Variants in KIAA1671 observed in about 807,000 individuals in gnomAD.
KIAA1671 encodes KIAA1671, also known as uncharacterized protein KIAA1671.
In KIAA1671, 52 loss-of-function variants were observed where a neutral mutation model predicts 131.2. The ratio of observed to expected loss-of-function variants is 0.40; its 90% CI spans 0.32 to 0.50. The LOEUF (loss-of-function observed/expected upper bound fraction) is 0.50, where lower values mean the gene tolerates loss of function less well. KIAA1671 is among the 20% of genes least tolerant of loss of function. The probability of loss-of-function intolerance (pLI) is 0.73; values close to 1 mark genes in which losing one functional copy is unlikely to be tolerated. For missense variants in KIAA1671, 2,360 were observed against 2,364.2 expected (o/e 1.00, Z 0.04); for synonymous variants, 1,003 against 961.6 (o/e 1.04, Z -0.80).
intron 6 of KIAA1671, among the ~76,000 whole-genome samples, chr22:25,093,824 T>TTTCTCTC (rs1930240990): frequency 9.1e-5 from 2 of 21,920 alleles, no homozygotes; most frequent in Non-Finnish European, 1.7e-4. Flanking sequence ...CTCTCTCTCT[T>TTTCTCTC]TCTCTCTCTG....
intron 9 of KIAA1671, among the ~76,000 whole-genome samples, chr22:25,180,608 G>C (rs549589658): frequency 2.7e-4 from 41 of 152,202 alleles, no homozygotes; most frequent in African/African-American, 9.1e-4. Flanking sequence ...ACTCTATGTA[G>C]ACACAGCCTT....
Position 25,173,615 on chromosome 22 carries a change from G to A in KIAA1671, c.4650-625G>A, listed in dbSNP as rs567530755. The stretch of plus-strand genomic sequence containing the variant: ...CGGAAACGTGTAATTACTATGTATC[G>A]ATTATAAATAAAAAAGAATTATAAT... On this transcript the variant is annotated intron_variant, in intron 7 of 12. Transcript: ENST00000358431. Among the ~76,000 whole-genome samples, 8 of 152,134 alleles carry A rather than the reference G, an allele frequency of 5.3e-5. No individual in the cohort carries two copies. In the East Asian group the frequency reaches 9.6e-4, roughly 18 times the overall value.
intron 6 of KIAA1671, among the ~76,000 whole-genome samples, chr22:25,137,780 G>T (rs949324819): frequency 1.3e-5 from 2 of 152,204 alleles, no homozygotes; most frequent in Non-Finnish European, 2.9e-5. Flanking sequence ...TTCTGGGAGA[G>T]TTTGTCCTCC....
chr22:25,056,044 T>G (rs1212441376), intron 6 of KIAA1671: 2 of 147,240 alleles, frequency 1.4e-5, no homozygotes, highest in Non-Finnish European at 3.0e-5. Context: ...TTTTTTGTAT[T>G]TTTGGTAGAG....
intron 1 of KIAA1671, among the ~76,000 whole-genome samples, chr22:24,978,163 C>G (rs912643453): frequency 1.3e-5 from 2 of 152,174 alleles, no homozygotes; most frequent in African/African-American, 4.8e-5. Context: ...AATTGTACTC[C>G]TATAATTCCC....
At position 25,029,132 on chromosome 22, in the gene KIAA1671, C is replaced by G. The variant is rs1032769220; in HGVS notation, c.1133C>G (p.Thr378Ser). 6.9e-6 allele frequency: 10 copies of G among 1,458,736 alleles called. No homozygotes were observed. The Middle Eastern group carries it at 5.4e-4, about 79-fold the overall frequency. 90.4% of individuals were successfully genotyped at this position (1,458,736 alleles called of 1,614,324 possible). A position where few individuals can be genotyped will look rare whatever the true frequency, so the allele number is the denominator to read the frequency against. ...CTGGTGGGGGGCTCATCTGGGGTCA[C>G]CCCCAGCAATGACCAGAGTCCCTGG... Reference protein sequence around the residue: ...RALVGGSSGVTPSNDQSPWEE... With the variant: ...RALVGGSSGVSPSNDQSPWEE... Residue 378 changes from threonine to serine, a missense_variant, in exon 3 of 13, where the codon ACC becomes AGC. Thr to Ser is a moderately conservative substitution (Grantham distance 58, BLOSUM62 1). This residue lies in a region of KIAA1671 where 1,185 missense variants were observed against 1,126.2 expected (regional missense o/e 1.05). Transcript: ENST00000358431.
intron 4 of KIAA1671, among the ~76,000 whole-genome samples, chr22:25,033,952 G>A (rs1926444339): frequency 6.6e-6 from 1 of 151,738 alleles, no homozygotes; most frequent in South Asian, 2.1e-4. Context: ...CATTCAACTT[G>A]GTGAGTTTCC....
At chr22:25,065,543 C>T (rs1928421186) in intron 6 of KIAA1671, among the ~76,000 whole-genome samples, 1 of 152,120 alleles carries the variant, frequency 6.6e-6, no homozygotes, top group African/African-American at 2.4e-5. Context: ...GGTGCACCAC[C>T]TTCCTCTTTC....
chr22:24,995,355 GTTTT>G (rs75900994), intron 1 of KIAA1671, among the ~76,000 whole-genome samples: 42 of 136,362 alleles, frequency 3.1e-4, no homozygotes, highest in African/African-American at 1.1e-3. Context: ...CCCGGCCAAG[GTTTT>G]TTTTTTTTTT....
Position 25,117,585 on chromosome 22 carries a change from C to CCACACACACACACACA in KIAA1671, c.4531-53198_4531-53183dup, listed in dbSNP as rs4049524. On this transcript the variant is annotated intron_variant, in intron 6 of 12. Transcript: ENST00000358431. ...CAGCAGGGCTCAGCATCTCCCCCAA[C>CCACACACACACACACA]CACACACACACACACACACACACAC... Among the ~76,000 whole-genome samples the CCACACACACACACACA allele has an allele frequency of 2.3e-3, 288 of 123,882 alleles. 7 individuals are homozygous for CCACACACACACACACA. The highest frequency in any genetic ancestry group is 5.0e-3 in the African/African-American group (155 of 31,248). 81.3% of individuals were successfully genotyped at this position (123,882 alleles called of 152,430 possible). A position where few individuals can be genotyped will look rare whatever the true frequency, so the allele number is the denominator to read the frequency against.
intron 1 of KIAA1671, among the ~76,000 whole-genome samples, chr22:25,003,666 C>T (rs1479862193): frequency 6.6e-6 from 1 of 152,026 alleles, no homozygotes; most frequent in East Asian, 1.9e-4. Flanking sequence ...CCCACCTCGG[C>T]CTCCCAAAGT....
intron 5 of KIAA1671, 135 bp from the exon 6 acceptor site, chr22:25,049,095 A>T: frequency 9.2e-7 from 1 of 1,090,586 alleles, no homozygotes; most frequent in Non-Finnish European, 1.3e-6. Flanking sequence ...TCTGATCATT[A>T]AAGTGGGGGA....
chr22:25,028,918 G>A lies in KIAA1671; in HGVS notation c.919G>A (p.Gly307Arg). The change falls in exon 3 of 13, where the codon GGA becomes AGA. Residue 307 changes from glycine to arginine, a missense_variant. This residue lies in a region of KIAA1671 where 1,185 missense variants were observed against 1,126.2 expected (regional missense o/e 1.05). Coordinates refer to ENST00000358431, the MANE Select transcript of KIAA1671 (RefSeq NM_001145206.2). Reference sequence around the variant, plus strand: ...GAGGAAGGTGGCCGATGAAGGAAGTGGACCCACAGCAGGGGATATGGCTGG... The same window carrying A: ...GAGGAAGGTGGCCGATGAAGGAAGTAGACCCACAGCAGGGGATATGGCTGG... ...LLRKVADEGS[G>R]PTAGDMAGLE... The A allele has an allele frequency of 1.3e-6, 2 of 1,551,634 alleles. No homozygotes were observed. The highest frequency in any genetic ancestry group is 1.2e-5 in the South Asian group (1 of 83,988).
intron 1 of KIAA1671, among the ~76,000 whole-genome samples, chr22:25,025,058 A>G (rs1925859390): frequency 6.6e-6 from 1 of 151,966 alleles, no homozygotes; most frequent in Non-Finnish European, 1.5e-5. Context: ...GAGGGCTTCA[A>G]AGAGGTACAA....
chr22:25,103,867 T>C (rs1930845790), intron 6 of KIAA1671, among the ~76,000 whole-genome samples: 1 of 152,186 alleles, frequency 6.6e-6, no homozygotes, highest in Non-Finnish European at 1.5e-5. Flanking sequence ...CGACTCACGC[T>C]CAAGTGTTGT....
intron 1 of KIAA1671, among the ~76,000 whole-genome samples, chr22:24,963,908 C>G (rs1922154069): frequency 6.8e-6 from 1 of 147,286 alleles, no homozygotes; most frequent in Admixed American, 6.8e-5. Flanking sequence ...CCACTGCACT[C>G]CAGCCTGGGT....
At chr22:25,031,491 C>T (rs1228463986) in intron 3 of KIAA1671, among the ~76,000 whole-genome samples, 7 of 152,084 alleles carry the variant, frequency 4.6e-5, no homozygotes, top group East Asian at 1.9e-4. Context: ...CCACCACGCC[C>T]GGCCTAATTT....
At chr22:25,025,019 C>A (rs1925858157) in intron 1 of KIAA1671, among the ~76,000 whole-genome samples, 1 of 139,788 alleles carries the variant, frequency 7.2e-6, no homozygotes. Flanking sequence ...ACAGGCATAG[C>A]ATGTGCAAAG....
chr22:24,999,427 C>T (rs1029692910), intron 1 of KIAA1671, among the ~76,000 whole-genome samples: 1 of 151,664 alleles, frequency 6.6e-6, no homozygotes, highest in Admixed American at 6.6e-5. Context: ...GACAGGGTCT[C>T]ATCATATGGT....
Sources: allele counts gnomAD v4.1 joint callset (sites outside exome capture counted in the v4.1 genomes callset), GRCh38; gene constraint gnomAD v4.1.1; regional missense constraint gnomAD v4.1.1; transcripts MANE v1.5; gene names NCBI Gene and HGNC (gene_info 2026-07-23, HGNC 2026-07-21).